The following FAP variants were observed in gnomAD, a reference collection of about 807,000 sequenced individuals.
FAP encodes fibroblast activation protein alpha, also known as prolyl endopeptidase FAP.
A neutral mutation model predicts 126.5 loss-of-function variants in FAP; 110 were observed. The observed-to-expected ratio is 0.87, with a 90% CI of 0.74 to 1.02. The LOEUF is 1.02. FAP is among the 50% of genes least tolerant of loss of function. The pLI, the probability that FAP is intolerant of heterozygous loss-of-function variation, is 0.00. For synonymous variants in FAP, 334 were observed against 297.3 expected (o/e 1.12, Z -1.27); for missense variants, 919 against 909.2 (o/e 1.01, Z -0.14).
chr2:162,183,315 G>A lies in FAP; in HGVS notation c.1869+99C>T, dbSNP rs141464705. On this transcript the variant is annotated intron_variant, in intron 21 of 25. Transcript: ENST00000188790. ...TTCCATTGACAGATTAAATTATGTT[G>A]CAACATTAACATTTCATGAGAAACC... 308 of 917,296 alleles carry A rather than the reference G, an allele frequency of 3.4e-4. 1 individual carries two copies. In the African/African-American group the frequency reaches 4.9e-3, roughly 14 times the overall value. The allele number at this position is 917,296 out of a possible 1,614,324, so 56.8% of individuals were successfully genotyped here. A position where few individuals can be genotyped will look rare whatever the true frequency, so the allele number is the denominator to read the frequency against.
intron 2 of FAP, among the ~76,000 whole-genome samples, chr2:162,236,130 C>G (rs1180114672): frequency 6.6e-6 from 1 of 152,038 alleles, no homozygotes; most frequent in African/African-American, 2.4e-5. Flanking sequence ...GATAAACCAA[C>G]CTTGTATTCT....
At chr2:162,202,061 T>C (rs1173399150) in intron 14 of FAP, among the ~76,000 whole-genome samples, 1 of 152,246 alleles carries the variant, frequency 6.6e-6, no homozygotes, top group African/African-American at 2.4e-5. Flanking sequence ...CCTGGACTAA[T>C]GGTCCTCATC....
At position 162,172,974 on chromosome 2, in the gene FAP, T is replaced by G. The variant is rs1474571211; in HGVS notation, c.2108-90A>C. ...CTGCCTGGAAATGAACACCAACAAT[T>G]ATCTAGTCATGCATTTGACATTGTC... On this transcript the variant is annotated intron_variant, in intron 24 of 25. Transcript: ENST00000188790. The G allele has an allele frequency of 2.6e-6, 3 of 1,150,456 alleles. No individual in the cohort carries two copies. In the East Asian group the frequency reaches 7.1e-5, roughly 27 times the overall value. The allele number at this position is 1,150,456 out of a possible 1,614,324, so 71.3% of individuals were successfully genotyped here.
chr2:162,203,995 G>A (rs570264927), intron 12 of FAP, among the ~76,000 whole-genome samples: 3 of 152,198 alleles, frequency 2.0e-5, no homozygotes, highest in Admixed American at 6.5e-5. Context: ...TCATTGTTTG[G>A]TGAAATGATG....
intron 12 of FAP, among the ~76,000 whole-genome samples, chr2:162,204,892 T>C (rs2106251948): frequency 6.6e-6 from 1 of 152,266 alleles, no homozygotes; most frequent in East Asian, 1.9e-4. Context: ...TCCTATATAA[T>C]GAAACACAAC....
At chr2:162,189,884 A>G in intron 17 of FAP, 130 bp from the exon 18 acceptor site, 3 of 590,372 alleles carry the variant, frequency 5.1e-6, no homozygotes, top group Non-Finnish European at 6.0e-6. Context: ...GTGAAGTTTC[A>G]TATTGACAAA....
intron 16 of FAP, among the ~76,000 whole-genome samples, chr2:162,196,519 T>A (rs1175170818): frequency 1.6e-5 from 2 of 121,918 alleles, no homozygotes; most frequent in African/African-American, 5.9e-5. Context: ...CTTGCATATC[T>A]TTTTTTTTTT....
chr2:162,224,999 A>G (rs1438878483), intron 4 of FAP, among the ~76,000 whole-genome samples: 2 of 152,188 alleles, frequency 1.3e-5, no homozygotes, highest in African/African-American at 2.4e-5. Context: ...TTAAGTGCCC[A>G]TACTTTATAG....
chr2:162,209,547 T>C (rs1688844779), intron 12 of FAP: 1 of 160,208 alleles, frequency 6.2e-6, no homozygotes, highest in Non-Finnish European at 1.4e-5. Context: ...AAGAGGTAGA[T>C]TGTCTTTAAA....
chr2:162,210,604 T>C (rs969560296), intron 11 of FAP, among the ~76,000 whole-genome samples: 1 of 152,136 alleles, frequency 6.6e-6, no homozygotes, highest in African/African-American at 2.4e-5. Flanking sequence ...TGAAGGAGAA[T>C]GCATGTTTAT....
chr2:162,209,966 C>CAGTT lies in FAP; in HGVS notation c.1029_1032dup (p.Gly345AsnfsTer17), dbSNP rs1688858905. The CAGTT allele has an allele frequency of 6.2e-7, 1 of 1,612,972 alleles. No homozygotes were observed. Among genetic ancestry groups the CAGTT allele is most frequent in the East Asian group, 2.2e-5 (1 of 44,818 alleles). On this transcript the variant is annotated frameshift_variant, in exon 12 of 26. Transcript: ENST00000188790. LOFTEE classifies it high-confidence loss of function. ...CAAAATCATACTCCACCAGCCCATC[C>CAGTT]AGTTCTGCTTTCTTCTATATGCTCC...
chr2:162,226,521 A>G lies in FAP; in HGVS notation c.190+2T>C. 6.7e-7 allele frequency: 1 copy of G among 1,503,658 alleles called. No individual in the cohort carries two copies. Among genetic ancestry groups the G allele is most frequent in the Non-Finnish European group, 9.2e-7 (1 of 1,091,446 alleles). The allele number at this position is 1,503,658 out of a possible 1,614,324, so 93.1% of individuals were successfully genotyped here. On this transcript the variant is annotated splice_donor_variant, in intron 3 of 25. Transcript: ENST00000188790. LOFTEE classifies it high-confidence loss of function. ...ACCCCTAAAGATAAATAATGCACTT[A>G]CCTGAAATCCAGTTTGGAAAAAATG... is the stretch of plus-strand genomic sequence containing the variant.
At chr2:162,175,448 A>G (rs2106212979) in intron 21 of FAP, 1 of 152,790 alleles carries the variant, frequency 6.5e-6, no homozygotes, top group South Asian at 2.1e-4. Context: ...ATTTATTTTC[A>G]CAACAGAATA....
At chr2:162,184,976 T>C (rs1237538409) in intron 20 of FAP, among the ~76,000 whole-genome samples, 2 of 152,086 alleles carry the variant, frequency 1.3e-5, no homozygotes, top group African/African-American at 4.8e-5. Context: ...TTACAGGAAA[T>C]GATAGTGCAA....
intron 1 of FAP, 106 bp from the exon 2 acceptor site, chr2:162,243,098 T>C: frequency 1.1e-6 from 1 of 950,084 alleles, no homozygotes; most frequent in South Asian, 1.5e-5. Flanking sequence ...CCCACAAAGC[T>C]TTTGATTGTT....
At chr2:162,176,796 C>T (rs942658870) in intron 21 of FAP, 22 of 152,158 alleles carry the variant, frequency 1.4e-4, no homozygotes, top group South Asian at 2.1e-4. Flanking sequence ...AAAATAAAAG[C>T]CTTTGTATAT....
At chr2:162,178,624 C>G (rs374121077) in intron 21 of FAP, among the ~76,000 whole-genome samples, 1 of 152,112 alleles carries the variant, frequency 6.6e-6, no homozygotes, top group African/African-American at 2.4e-5. Flanking sequence ...AAAACCAGGG[C>G]TAGTGGGCTT....
intron 14 of FAP, among the ~76,000 whole-genome samples, chr2:162,202,518 G>T (rs1256188096): frequency 6.6e-6 from 1 of 152,180 alleles, no homozygotes; most frequent in Non-Finnish European, 1.5e-5. Flanking sequence ...CACTACAAAA[G>T]ATGCTCCATA....
chr2:162,230,752 T>A (rs922776381), intron 2 of FAP, among the ~76,000 whole-genome samples: 7 of 151,112 alleles, frequency 4.6e-5, no homozygotes, highest in Non-Finnish European at 8.8e-5. Context: ...ACTTACTGAA[T>A]CCAAATCTCT....
Sources: gnomAD v4.1 joint callset for allele counts (sites outside exome capture counted in the v4.1 genomes callset) on GRCh38, gnomAD v4.1.1 for gene constraint, MANE v1.5 for transcripts, NCBI Gene and HGNC (gene_info 2026-07-23, HGNC 2026-07-21) for gene names.